CEMIP: variants seen among roughly 807,000 people sequenced by gnomAD.
CEMIP encodes cell migration-inducing and hyaluronan-binding protein.
CEMIP carries 105 observed loss-of-function variants against 156.9 expected under a neutral mutation model. The ratio of observed to expected loss-of-function variants is 0.67; its 90% CI spans 0.57 to 0.79. CEMIP has a LOEUF of 0.79. CEMIP is among the 30% of genes least tolerant of loss of function. The probability of loss-of-function intolerance (pLI) is 0.00; values close to 1 mark genes in which losing one functional copy is unlikely to be tolerated. For synonymous variants in CEMIP, 676 were observed against 668.4 expected (o/e 1.01, Z -0.17); for missense variants, 1,457 against 1,769.4 (o/e 0.82, Z 3.17).
intron 10 of CEMIP, 107 bp from the exon 11 acceptor site, chr15:80,894,883 C>A: frequency 2.2e-6 from 3 of 1,363,520 alleles, no homozygotes; most frequent in Non-Finnish European, 3.1e-6. Context: ...AGTGTTGCAG[C>A]AGGGACAATT....
intron 1 of CEMIP, among the ~76,000 whole-genome samples, chr15:80,798,114 C>T (rs1005881949): frequency 5.9e-5 from 9 of 152,060 alleles, no homozygotes; most frequent in African/African-American, 1.7e-4. Context: ...GCCATATAAC[C>T]GTGTATTTCC....
chr15:80,918,408 C>T (rs1900353652), intron 14 of CEMIP, among the ~76,000 whole-genome samples: 1 of 152,212 alleles, frequency 6.6e-6, no homozygotes, highest in African/African-American at 2.4e-5. Context: ...TGTCTGGAGA[C>T]ATTTTTGGTT....
intron 14 of CEMIP, among the ~76,000 whole-genome samples, chr15:80,917,773 T>C (rs1267228696): frequency 6.6e-6 from 1 of 152,186 alleles, no homozygotes. Flanking sequence ...TACATATGGC[T>C]TATGTGACCT....
chr15:80,845,057 A>C (rs1897520471), intron 1 of CEMIP, among the ~76,000 whole-genome samples: 1 of 152,256 alleles, frequency 6.6e-6, no homozygotes, highest in African/African-American at 2.4e-5. Flanking sequence ...AATATTATCC[A>C]TATACATATA....
In CEMIP at chr15:80,832,955, C is replaced by T. The variant is rs1367397468; in HGVS notation, c.-175-40583C>T. 3.3e-5 allele frequency among the ~76,000 whole-genome samples: 5 copies of T among 152,038 alleles called. No homozygotes were observed. In the South Asian group the frequency reaches 8.4e-4, roughly 26 times the overall value. On this transcript the variant is annotated intron_variant, in intron 1 of 29. Coordinates refer to ENST00000394685, the MANE Select transcript of CEMIP (RefSeq NM_001293298.2). ...TCCCCAGGGGCTACAGTGGCCTTTC[C>T]GTGTGGCTTTCTCACAGCATGTTGG...
intron 3 of CEMIP, among the ~76,000 whole-genome samples, chr15:80,875,605 C>T (rs554453015): frequency 2.0e-4 from 31 of 152,300 alleles, no homozygotes; most frequent in African/African-American, 7.2e-4. Flanking sequence ...GGCTGAGCCT[C>T]TGGTTCCCTC....
intron 1 of CEMIP, among the ~76,000 whole-genome samples, chr15:80,779,857 GC>G (rs1342922152): frequency 6.6e-6 from 1 of 152,264 alleles, no homozygotes; most frequent in African/African-American, 2.4e-5. Flanking sequence ...ATCTTGTGAT[GC>G]TTTACAAGCT....
intron 19 of CEMIP, among the ~76,000 whole-genome samples, chr15:80,926,956 G>A (rs946981011): frequency 4.0e-5 from 6 of 151,722 alleles, no homozygotes; most frequent in South Asian, 2.1e-4. Context: ...TCAGCCTCCC[G>A]AGTAGCTGGG....
chr15:80,843,512 T>G (rs1267357012), intron 1 of CEMIP, among the ~76,000 whole-genome samples: 2 of 152,238 alleles, frequency 1.3e-5, no homozygotes, highest in African/African-American at 4.8e-5. Flanking sequence ...ACTCCCACTC[T>G]GAAATCTCAC....
chr15:80,784,420 T>C (rs1368389774), intron 1 of CEMIP, among the ~76,000 whole-genome samples: 1 of 152,176 alleles, frequency 6.6e-6, no homozygotes, highest in African/African-American at 2.4e-5. Context: ...TTTGGCCCTC[T>C]CTGAGGTGAG....
intron 12 of CEMIP, among the ~76,000 whole-genome samples, chr15:80,901,964 A>C (rs751203033): frequency 6.6e-6 from 1 of 152,086 alleles, no homozygotes; most frequent in African/African-American, 2.4e-5. Context: ...ACCTGGGTTT[A>C]AGTTTGCTTT....
chr15:80,830,291 C>T (rs1410929613), intron 1 of CEMIP, among the ~76,000 whole-genome samples: 1 of 152,178 alleles, frequency 6.6e-6, no homozygotes, highest in Non-Finnish European at 1.5e-5. Flanking sequence ...CAACTTCCTG[C>T]AGTCATTACT....
chr15:80,822,726 C>T (rs1485968555), intron 1 of CEMIP, among the ~76,000 whole-genome samples: 3 of 152,102 alleles, frequency 2.0e-5, no homozygotes, highest in Non-Finnish European at 2.9e-5. Flanking sequence ...GCTTGGCTAA[C>T]GATTTGGTTT....
At chr15:80,879,448 A>G (rs1285261920) in intron 4 of CEMIP, among the ~76,000 whole-genome samples, 3 of 152,250 alleles carry the variant, frequency 2.0e-5, no homozygotes, top group Non-Finnish European at 4.4e-5. Flanking sequence ...TGCATAGGTT[A>G]GATGCAAATA....
chr15:80,787,002 G>A (rs1895956887), intron 1 of CEMIP, among the ~76,000 whole-genome samples: 1 of 152,218 alleles, frequency 6.6e-6, no homozygotes, highest in South Asian at 2.1e-4. Flanking sequence ...CTTGAAAAGA[G>A]GAGGCAAGTC....
intron 14 of CEMIP, among the ~76,000 whole-genome samples, chr15:80,918,417 T>C (rs2141915888): frequency 6.6e-6 from 1 of 152,336 alleles, no homozygotes; most frequent in African/African-American, 2.4e-5. Flanking sequence ...ACATTTTTGG[T>C]TGTCACAACT....
At chr15:80,894,846 G>T (rs1001781745) in intron 10 of CEMIP, 144 bp from the exon 11 acceptor site, 101 of 988,782 alleles carry the variant, frequency 1.0e-4, no homozygotes, top group Non-Finnish European at 1.5e-4. Flanking sequence ...GCAATCATTG[G>T]GATAATCATC....
chr15:80,841,942 T>C (rs757383852), intron 1 of CEMIP: 4 of 277,916 alleles, frequency 1.4e-5, no homozygotes, highest in Middle Eastern at 4.4e-4. Context: ...TGGCGGGGAT[T>C]ACATACAAAG....
intron 1 of CEMIP, among the ~76,000 whole-genome samples, chr15:80,809,404 G>C (rs988696014): frequency 4.6e-5 from 7 of 152,210 alleles, no homozygotes; most frequent in Non-Finnish European, 4.4e-5. Flanking sequence ...CTGAGACGGA[G>C]TGCTGCTATT....
Sources: allele counts gnomAD v4.1 joint callset (sites outside exome capture counted in the v4.1 genomes callset), GRCh38; gene constraint gnomAD v4.1.1; transcripts MANE v1.5; gene names NCBI Gene and HGNC (gene_info 2026-07-23, HGNC 2026-07-21).